CYTH3: variants seen among roughly 807,000 people sequenced by gnomAD.
CYTH3 encodes the protein cytohesin 3, also known as cytohesin-3.
CYTH3 carries 23 observed loss-of-function variants against 55.1 expected under a neutral mutation model. The ratio of observed to expected loss-of-function variants is 0.42; its 90% CI spans 0.30 to 0.59. The LOEUF (loss-of-function observed/expected upper bound fraction) is 0.59. Ranked by LOEUF, CYTH3 falls within the 20% of genes least tolerant of loss-of-function variation. The pLI is 0.20. For missense variants in CYTH3, 413 were observed against 524.8 expected (o/e 0.79, Z 2.08); for synonymous variants, 249 against 194.9 (o/e 1.28, Z -2.31).
At chr7:6,190,365 T>G (rs1162647429) in intron 2 of CYTH3, 84 bp downstream of exon 2, 4 of 964,524 alleles carry the variant, frequency 4.1e-6, no homozygotes, top group Non-Finnish European at 5.6e-6. Flanking sequence ...TTTTTTTACA[T>G]TTTTGTGAGG....
intron 1 of CYTH3, among the ~76,000 whole-genome samples, chr7:6,241,789 A>G (rs569406759): frequency 6.6e-6 from 1 of 152,278 alleles, no homozygotes; most frequent in Non-Finnish European, 1.5e-5. Flanking sequence ...GAAAAGCTCA[A>G]TTATGACAGC....
chr7:6,261,323 A>C (rs1780347568), intron 1 of CYTH3, among the ~76,000 whole-genome samples: 1 of 152,202 alleles, frequency 6.6e-6, no homozygotes, highest in South Asian at 2.1e-4. Flanking sequence ...GCCAAGTAGA[A>C]GAGGCCCTGG....
chr7:6,175,177 C>A (rs780013214), intron 5 of CYTH3, among the ~76,000 whole-genome samples: 13 of 152,162 alleles, frequency 8.5e-5, no homozygotes, highest in Non-Finnish European at 1.5e-4. Flanking sequence ...CTATGTTACC[C>A]AGGATGGCCT....
rs1419498629 is a variant in CYTH3, at chr7:6,164,864, C to G, written c.*80G>C. On this transcript the variant is annotated 3_prime_UTR_variant, in exon 13 of 13. Coordinates refer to ENST00000350796, the MANE Select transcript of CYTH3 (RefSeq NM_004227.4). Reference sequence around the variant, plus strand: ...CACCGCAGGGCGACTGCCTCCCTGCCACGCCTTCCGCGGAGGGGCCGCCCG... The same window carrying G: ...CACCGCAGGGCGACTGCCTCCCTGCGACGCCTTCCGCGGAGGGGCCGCCCG... 1 of 1,506,608 alleles carries G rather than the reference C, an allele frequency of 6.6e-7. No individual in the cohort carries two copies. The highest frequency in any genetic ancestry group is 9.2e-7 in the Non-Finnish European group (1 of 1,084,370). 93.3% of individuals were successfully genotyped at this position (1,506,608 alleles called of 1,614,324 possible).
At chr7:6,266,465 C>T (rs1562421929) in intron 1 of CYTH3, among the ~76,000 whole-genome samples, 3 of 152,128 alleles carry the variant, frequency 2.0e-5, no homozygotes, top group African/African-American at 2.4e-5. Context: ...GAGATTTCCC[C>T]GTTTAAAAAT....
chr7:6,175,350 G>C (rs1383004898), intron 5 of CYTH3, among the ~76,000 whole-genome samples: 2 of 152,102 alleles, frequency 1.3e-5, no homozygotes, highest in African/African-American at 2.4e-5. Context: ...TGATGAAGTA[G>C]AGTCTACCTA....
chr7:6,205,203 T>C (rs542665541), intron 1 of CYTH3, among the ~76,000 whole-genome samples: 2 of 151,822 alleles, frequency 1.3e-5, no homozygotes, highest in Non-Finnish European at 2.9e-5. Flanking sequence ...GAAAACCCAT[T>C]TGTTTGGAAA....
intron 1 of CYTH3, among the ~76,000 whole-genome samples, chr7:6,193,784 G>A (rs1462528153): frequency 6.6e-6 from 1 of 152,170 alleles, no homozygotes; most frequent in Non-Finnish European, 1.5e-5. Context: ...AAAACAGAGA[G>A]ACTAGGGCAC....
At chr7:6,253,495 C>G (rs1487823435) in intron 1 of CYTH3, among the ~76,000 whole-genome samples, 5 of 152,048 alleles carry the variant, frequency 3.3e-5, no homozygotes, top group Non-Finnish European at 5.9e-5. Context: ...CAGCCTGATC[C>G]ATCGCACCCA....
intron 5 of CYTH3, among the ~76,000 whole-genome samples, chr7:6,175,542 AGTCTTT>A (rs1261691887): frequency 1.8e-5 from 2 of 112,324 alleles, no homozygotes; most frequent in Non-Finnish European, 3.5e-5. Context: ...TATACACTTT[AGTCTTT>A]TTTTTTTTTT....
intron 1 of CYTH3, among the ~76,000 whole-genome samples, chr7:6,244,306 T>C (rs1031637418): frequency 3.3e-5 from 5 of 152,228 alleles, no homozygotes; most frequent in Admixed American, 2.6e-4. Context: ...CTCAACTTCG[T>C]GGCAATTTTT....
intron 9 of CYTH3, among the ~76,000 whole-genome samples, chr7:6,166,129 G>A (rs753801530): frequency 2.6e-4 from 39 of 152,202 alleles, no homozygotes; most frequent in Non-Finnish European, 4.4e-4. Flanking sequence ...AGGACTGCGC[G>A]CCTGGCTCTG....
chr7:6,231,955 T>C (rs1339140183), intron 1 of CYTH3, among the ~76,000 whole-genome samples: 2 of 152,226 alleles, frequency 1.3e-5, no homozygotes, highest in South Asian at 2.1e-4. Flanking sequence ...TCTCTGGCCA[T>C]AACCTGCAAC....
chr7:6,225,341 T>G (rs996600533), intron 1 of CYTH3, among the ~76,000 whole-genome samples: 1 of 151,776 alleles, frequency 6.6e-6, no homozygotes, highest in African/African-American at 2.4e-5. Flanking sequence ...TACATTAAGA[T>G]GAAGGAAAAA....
At chr7:6,271,433 G>T (rs938769370) in intron 1 of CYTH3, among the ~76,000 whole-genome samples, 2 of 151,952 alleles carry the variant, frequency 1.3e-5, no homozygotes, top group Non-Finnish European at 2.9e-5. Context: ...CTTATTACAT[G>T]GGGTTCTGAT....
At chr7:6,216,877 A>T (rs1288787427) in intron 1 of CYTH3, among the ~76,000 whole-genome samples, 5 of 150,836 alleles carry the variant, frequency 3.3e-5, no homozygotes, top group Non-Finnish European at 7.4e-5. Flanking sequence ...AAAAAAAAAA[A>T]GAAATGGCAG....
Position 6,180,686 on chromosome 7 carries a change from T to C in CYTH3, c.250-2745A>G, listed in dbSNP as rs76677578. ...TACTAATACACTAGGTAAATACTCA[T>C]AAAAGAAAGTGAGTGTTCTAACATT... On this transcript the variant is annotated intron_variant, in intron 4 of 12. Transcript: ENST00000350796. 5.8e-3 allele frequency among the ~76,000 whole-genome samples: 876 copies of C among 152,312 alleles called. 7 individuals carry two copies. Among genetic ancestry groups the C allele is most frequent in the Admixed American group, 8.4e-3 (129 of 15,300 alleles).
At chr7:6,165,507 T>C (rs746582486) in intron 11 of CYTH3, 38 bp downstream of exon 11, 2 of 1,610,338 alleles carry the variant, frequency 1.2e-6, no homozygotes, top group South Asian at 2.2e-5. Flanking sequence ...GGCTCCCAGG[T>C]GGCTGGCAGG....
Position 6,164,791 on chromosome 7 carries a change from C to T in CYTH3, c.*153G>A. 1 of 833,614 alleles carries T rather than the reference C, an allele frequency of 1.2e-6. No homozygotes were observed. Among genetic ancestry groups the T allele is most frequent in the Non-Finnish European group, 2.0e-6 (1 of 504,310 alleles). The allele number at this position is 833,614 out of a possible 1,614,324, so 51.6% of individuals were successfully genotyped here. ...CCAGGACCCCAGCCACGGCACGAGG[C>T]CTTGGGGATACCACCTGGGCCACGG... On this transcript the variant is annotated 3_prime_UTR_variant, in exon 13 of 13. Coordinates refer to ENST00000350796, the MANE Select transcript of CYTH3 (RefSeq NM_004227.4).
Sources: gnomAD v4.1 joint callset for allele counts (sites outside exome capture counted in the v4.1 genomes callset) on GRCh38, gnomAD v4.1.1 for gene constraint, MANE v1.5 for transcripts, NCBI Gene and HGNC (gene_info 2026-07-23, HGNC 2026-07-21) for gene names.